Variants in BCAM observed in about 807,000 individuals in gnomAD.
BCAM encodes basal cell adhesion molecule (Lutheran blood group).
In BCAM, 61 loss-of-function variants were observed where a neutral mutation model predicts 72.4. The ratio of observed to expected loss-of-function variants is 0.84; its 90% CI spans 0.69 to 1.04. The LOEUF is 1.04. Ranked by LOEUF, BCAM falls within the 50% of genes least tolerant of loss-of-function variation. The pLI, the probability that BCAM is intolerant of heterozygous loss-of-function variation, is 0.00. For missense variants in BCAM, 909 were observed against 895.0 expected (o/e 1.02, Z -0.20); for synonymous variants, 408 against 384.2 (o/e 1.06, Z -0.73).
chr19:44,819,154 C>T lies in BCAM; in HGVS notation c.1435C>T (p.Pro479Ser), dbSNP rs1267255362. Residue 479 changes from proline to serine, a missense_variant, in exon 11 of 15, where the codon CCA becomes TCA. Physicochemically the swap from Pro to Ser is moderately conservative, Grantham distance 74. Transcript: ENST00000270233. ...ACTCATCTGCTCTGCCCGCGGCCAT[C>T]CAGACCCCAAACTCAGCTGGAGCCA... is the stretch of plus-strand genomic sequence containing the variant. Reference protein sequence around the residue: ...VTLICSARGHPDPKLSWSQLG... With the variant: ...VTLICSARGHSDPKLSWSQLG... The T allele has an allele frequency of 6.2e-7, 1 of 1,614,098 alleles. No homozygotes were observed. The highest frequency in any genetic ancestry group is 1.1e-5 in the South Asian group (1 of 91,080).
intron 8 of BCAM, among the ~76,000 whole-genome samples, chr19:44,817,552 T>G (rs984489313): frequency 6.0e-5 from 9 of 150,984 alleles, no homozygotes; most frequent in African/African-American, 2.2e-4. Context: ...TTTTTTTGTT[T>G]TTTTTTTTTT....
Position 44,812,060 on chromosome 19 carries a change from G to A in BCAM, c.205-103G>A, listed in dbSNP as rs1968428257. 4 of 1,162,304 alleles carry A rather than the reference G, an allele frequency of 3.4e-6. No homozygotes were observed. The highest frequency in any genetic ancestry group is 3.1e-5 in the African/African-American group (2 of 64,084). 72.0% of individuals were successfully genotyped at this position (1,162,304 alleles called of 1,614,324 possible). A position where few individuals can be genotyped will look rare whatever the true frequency, so the allele number is the denominator to read the frequency against. ...GGACCAGGGAGACCCATAACAAGAG[G>A]AAAAGAGGCAGAGCCAGGAGCTGCA... On this transcript the variant is annotated intron_variant, in intron 2 of 14. Coordinates refer to ENST00000270233, the MANE Select transcript of BCAM (RefSeq NM_005581.5). The surrounding 1 kb of genome is among the most constrained non-coding windows in gnomAD (Gnocchi z 5.3).
At chr19:44,815,358 G>C (rs1174523105) in intron 8 of BCAM, among the ~76,000 whole-genome samples, 1 of 152,138 alleles carries the variant, frequency 6.6e-6, no homozygotes, top group Non-Finnish European at 1.5e-5. Context: ...ATTCTCCCTT[G>C]GCACTTCTTA....
In BCAM at chr19:44,813,902, C is replaced by A. The variant is rs1968466097; in HGVS notation, c.785-250C>A. On this transcript the variant is annotated intron_variant, in intron 6 of 14. Coordinates refer to ENST00000270233, the MANE Select transcript of BCAM (RefSeq NM_005581.5). The surrounding 1 kb of genome is among the most constrained non-coding windows in gnomAD (Gnocchi z 4.2). ...CACACTGAATTGGGTCCCCCCATGA[C>A]ATCTGGCTCCAAGTCTCACACTGAC... Among the ~76,000 whole-genome samples the A allele has an allele frequency of 6.6e-6, 1 of 152,198 alleles. No individual in the cohort carries two copies. The highest frequency in any genetic ancestry group is 6.5e-5 in the Admixed American group (1 of 15,278).
Position 44,818,478 on chromosome 19 carries a change from T to C in BCAM, c.1079-44T>C. ...CGCCCCTGGAGAGCCCCTAATTGAG[T>C]GGGTGGCGGTCTGGGACGAGTGACA... is the stretch of plus-strand genomic sequence containing the variant. On this transcript the variant is annotated intron_variant, in intron 8 of 14. Coordinates refer to ENST00000270233, the MANE Select transcript of BCAM (RefSeq NM_005581.5). This position sits in a 1 kb window ranked among gnomAD's most constrained non-coding sequence, Gnocchi z 4.6. The C allele has an allele frequency of 6.4e-7, 1 of 1,555,416 alleles. No individual in the cohort carries two copies. The highest frequency in any genetic ancestry group is 8.8e-7 in the Non-Finnish European group (1 of 1,131,656).
chr19:44,809,130 G>A lies in BCAM; in HGVS notation c.6G>A (p.Glu2=), dbSNP rs1325646356. 1.8e-5 allele frequency: 26 copies of A among 1,455,686 alleles called. No individual in the cohort carries two copies. The highest frequency in any genetic ancestry group is 6.0e-5 in the East Asian group (2 of 33,062). 90.2% of individuals were successfully genotyped at this position (1,455,686 alleles called of 1,614,324 possible). M[E]PPDAPAQARG... is the part of the protein sequence containing the mutation. ...TCTCCGCCGCCGCCGTGAACATGGA[G>A]CCCCCGGACGCACCGGCCCAGGCGC... The change falls in exon 1 of 15, where the codon GAG becomes GAA. Residue 2 remains glutamate, a synonymous_variant. Coordinates refer to ENST00000270233, the MANE Select transcript of BCAM (RefSeq NM_005581.5).
intron 8 of BCAM, among the ~76,000 whole-genome samples, chr19:44,815,538 A>T (rs528686070): frequency 2.0e-5 from 3 of 152,252 alleles, no homozygotes; most frequent in South Asian, 2.1e-4. Context: ...AGAGCAGGAG[A>T]GGGGATTATT....
rs144034004 is a variant in BCAM, at chr19:44,818,802, A to G, written c.1256A>G (p.Asn419Ser). 8 of 1,613,792 alleles carry G rather than the reference A, an allele frequency of 5.0e-6. No individual in the cohort carries two copies. In the African/African-American group the frequency reaches 6.7e-5, roughly 13 times the overall value. The change falls in exon 10 of 15, where the codon AAT becomes AGT. Residue 419 changes from asparagine to serine, a missense_variant. Physicochemically the swap from Asn to Ser is conservative, Grantham distance 46. Coordinates refer to ENST00000270233, the MANE Select transcript of BCAM (RefSeq NM_005581.5). The surrounding 1 kb of genome is among the most constrained non-coding windows in gnomAD (Gnocchi z 4.6). ...CTCAGTTCTATCACCTTCGATTCCA[A>G]TGGCACCTACGTATGTGAGGCCTCC... ...LSLSSITFDS[N>S]GTYVCEASLP...
At position 44,813,715 on chromosome 19, in the gene BCAM, T is replaced by A; in HGVS notation, c.784+95T>A. The A allele has an allele frequency of 6.8e-7, 1 of 1,462,180 alleles. No individual in the cohort carries two copies. The highest frequency in any genetic ancestry group is 1.3e-5 in the South Asian group (1 of 77,140). The allele number at this position is 1,462,180 out of a possible 1,614,324, so 90.6% of individuals were successfully genotyped here. Reference sequence around the variant, plus strand: ...GGGGCTTCACACTCCCCTCTGACCCTCTGCCTCCCTACTTCATGCTAAAAA... The same window carrying A: ...GGGGCTTCACACTCCCCTCTGACCCACTGCCTCCCTACTTCATGCTAAAAA... On this transcript the variant is annotated intron_variant, in intron 6 of 14. Transcript: ENST00000270233. This position sits in a 1 kb window ranked among gnomAD's most constrained non-coding sequence, Gnocchi z 4.2.
rs149302547 is a variant in BCAM, at chr19:44,819,647, C to G, written c.1684C>G (p.Leu562Val). ...CGTGGCCGTCAGCGTGGGCCTCCTG[C>G]TCCTCGTCGTTGCTGTCTTCTACTG... is the stretch of plus-strand genomic sequence containing the variant. ...MAVAVSVGLL[L>V]LVVAVFYCVR... Residue 562 changes from leucine to valine, a missense_variant, in exon 13 of 15, where the codon CTC becomes GTC. Leu to Val is a conservative substitution (Grantham distance 32, BLOSUM62 1). Coordinates refer to ENST00000270233, the MANE Select transcript of BCAM (RefSeq NM_005581.5). The G allele has an allele frequency of 6.2e-7, 1 of 1,613,642 alleles. No individual in the cohort carries two copies. The highest frequency in any genetic ancestry group is 1.1e-5 in the South Asian group (1 of 91,074).
rs1306070713 is a variant in BCAM, at chr19:44,818,492, G to T, written c.1079-30G>T. ...CCCTAATTGAGTGGGTGGCGGTCTG[G>T]GACGAGTGACAGACTGTCCCCCACT... is the stretch of plus-strand genomic sequence containing the variant. On this transcript the variant is annotated intron_variant, in intron 8 of 14. Transcript: ENST00000270233. The surrounding 1 kb of genome is among the most constrained non-coding windows in gnomAD (Gnocchi z 4.6). 6.3e-7 allele frequency: 1 copy of T among 1,598,776 alleles called. No individual in the cohort carries two copies. Among genetic ancestry groups the T allele is most frequent in the Non-Finnish European group, 8.6e-7 (1 of 1,168,296 alleles).
chr19:44,810,658 G>A (rs543030772), intron 1 of BCAM, among the ~76,000 whole-genome samples: 16 of 152,342 alleles, frequency 1.1e-4, no homozygotes, highest in African/African-American at 3.6e-4. Context: ...CATCACAGAG[G>A]TGGCCCTGCC....
At chr19:44,817,703 C>T (rs1046818807) in intron 8 of BCAM, among the ~76,000 whole-genome samples, 2 of 152,110 alleles carry the variant, frequency 1.3e-5, no homozygotes, top group South Asian at 2.1e-4. Context: ...CACCACTATG[C>T]CCAGCTAGCT....
In BCAM at chr19:44,811,216, C is replaced by G. The variant is rs745781213; in HGVS notation, c.83-9C>G. The G allele has an allele frequency of 1.9e-6, 3 of 1,611,792 alleles. No individual in the cohort carries two copies. In the Admixed American group the frequency reaches 5.0e-5, roughly 27 times the overall value. ...TGTGGTGGATGATAGCTCAGTTGCT[C>G]TCTTGCAGATGCCCAGGCGGAGGTG... On this transcript the variant is annotated splice_polypyrimidine_tract_variant and intron_variant, in intron 1 of 14. Coordinates refer to ENST00000270233, the MANE Select transcript of BCAM (RefSeq NM_005581.5).
chr19:44,820,674 G>T, intron 13 of BCAM, 31 bp from the exon 14 acceptor site: 1 of 1,195,124 alleles, frequency 8.4e-7, no homozygotes, highest in South Asian at 2.2e-5. Context: ...CCTCCAACAC[G>T]ACGCCTCCGC....
intron 2 of BCAM, chr19:44,811,569 G>A: frequency 1.7e-6 from 1 of 598,966 alleles, no homozygotes; most frequent in Non-Finnish European, 2.7e-6. Flanking sequence ...GCGGGCTCTT[G>A]AGAGAGAGAA....
rs1968382975 is a variant in BCAM at position 44,809,136 on chromosome 19, G to T, written c.12G>T (p.Pro4=). ...CCGCCGCCGTGAACATGGAGCCCCC[G>T]GACGCACCGGCCCAGGCGCGCGGGG... The part of the protein sequence containing the change: MEP[P]DAPAQARGAP... Residue 4 remains proline (P), a synonymous_variant, in exon 1 of 15, where the codon CCG becomes CCT. Coordinates refer to ENST00000270233, the MANE Select transcript of BCAM (RefSeq NM_005581.5). 6.9e-7 allele frequency: 1 copy of T among 1,459,484 alleles called. No individual in the cohort carries two copies. Among genetic ancestry groups the T allele is most frequent in the African/African-American group, 1.5e-5 (1 of 68,132 alleles). 90.4% of individuals were successfully genotyped at this position (1,459,484 alleles called of 1,614,324 possible).
chr19:44,812,557 C>G lies in BCAM; in HGVS notation c.504+9C>G, dbSNP rs531119268. On this transcript the variant is annotated intron_variant, in intron 4 of 14. Coordinates refer to ENST00000270233, the MANE Select transcript of BCAM (RefSeq NM_005581.5). The surrounding 1 kb of genome is among the most constrained non-coding windows in gnomAD (Gnocchi z 5.3). ...AGGACTCTGCCCAGGAGGTACCTCT[C>G]GGGTGGACCTTGGCCCCAGGGTCCT... 9.3e-6 allele frequency: 15 copies of G among 1,613,830 alleles called. No individual in the cohort carries two copies. In the South Asian group the frequency reaches 1.5e-4, roughly 17 times the overall value.
intron 1 of BCAM, among the ~76,000 whole-genome samples, chr19:44,809,678 GC>G (rs1201905764): frequency 2.0e-5 from 3 of 152,164 alleles, no homozygotes; most frequent in African/African-American, 7.2e-5. Flanking sequence ...CCCCACACCA[GC>G]GATCCACATG....
Sources: allele counts gnomAD v4.1 joint callset (sites outside exome capture counted in the v4.1 genomes callset), GRCh38; gene constraint gnomAD v4.1.1; non-coding constraint Gnocchi (gnomAD v3.1); transcripts MANE v1.5; gene names NCBI Gene and HGNC (gene_info 2026-07-23, HGNC 2026-07-21).